The following SLC25A26 variants were observed in gnomAD, a reference collection of about 807,000 sequenced individuals.
SLC25A26 encodes the protein mitochondrial S-adenosylmethionine carrier protein.
A neutral mutation model predicts 37.8 loss-of-function variants in SLC25A26; 36 were observed. The ratio of observed to expected loss-of-function variants is 0.95; its 90% CI spans 0.73 to 1.26. The LOEUF (loss-of-function observed/expected upper bound fraction) is 1.26, where lower values mean the gene tolerates loss of function less well. SLC25A26 is among the 50% of genes most tolerant of loss of function. The pLI, the probability that SLC25A26 is intolerant of heterozygous loss-of-function variation, is 0.00. For missense variants in SLC25A26, 390 were observed against 331.1 expected, an observed-to-expected ratio of 1.18 and a Z score of -1.38; for synonymous variants, 129 against 122.5, an observed-to-expected ratio of 1.05 and a Z score of -0.35.
At chr3:66,338,042 A>G (rs572511973) in intron 5 of SLC25A26, among the ~76,000 whole-genome samples, 2 of 151,988 alleles carry the variant, frequency 1.3e-5, no homozygotes, top group Non-Finnish European at 2.9e-5. Flanking sequence ...CTTCAGTCCC[A>G]TTCTGCCTGC....
At chr3:66,312,237 T>G (rs1338245927) in intron 5 of SLC25A26, among the ~76,000 whole-genome samples, 3 of 152,164 alleles carry the variant, frequency 2.0e-5, no homozygotes, top group Admixed American at 6.5e-5. Flanking sequence ...GGCTTTGCAG[T>G]GGGTTCTGCC....
At chr3:66,175,221 GTTTA>G (rs1256238352) in intron 1 of SLC25A26, among the ~76,000 whole-genome samples, 3 of 147,314 alleles carry the variant, frequency 2.0e-5, no homozygotes, top group Admixed American at 6.9e-5. Context: ...CTATATAAAG[GTTTA>G]TTTATTTATT....
intron 1 of SLC25A26, among the ~76,000 whole-genome samples, chr3:66,180,906 A>G (rs2070691457): frequency 6.6e-6 from 1 of 152,068 alleles, no homozygotes; most frequent in African/African-American, 2.4e-5. Context: ...AAGAGTGGGG[A>G]CCTAATCCAA....
intron 1 of SLC25A26, among the ~76,000 whole-genome samples, chr3:66,160,900 A>C (rs1576603682): frequency 6.6e-6 from 1 of 152,034 alleles, no homozygotes; most frequent in South Asian, 2.1e-4. Context: ...ATACCACTGC[A>C]CTCCAGCCTG....
intron 1 of SLC25A26, among the ~76,000 whole-genome samples, chr3:66,160,832 G>A (rs1260521746): frequency 1.3e-5 from 2 of 152,122 alleles, no homozygotes; most frequent in African/African-American, 2.4e-5. Flanking sequence ...CTACTCGAGA[G>A]GCTGAGGCAG....
At chr3:66,275,933 A>G (rs895908572) in intron 5 of SLC25A26, among the ~76,000 whole-genome samples, 6 of 152,128 alleles carry the variant, frequency 3.9e-5, no homozygotes, top group African/African-American at 1.2e-4. Flanking sequence ...TGTTCTCATT[A>G]CTGTATACTG....
At chr3:66,358,264 T>C (rs1219642890) in intron 6 of SLC25A26, among the ~76,000 whole-genome samples, 1 of 152,226 alleles carries the variant, frequency 6.6e-6, no homozygotes, top group Non-Finnish European at 1.5e-5. Context: ...TTTCTGATTA[T>C]TGTTGTTTTA....
At chr3:66,356,635 T>C (rs1471858843) in intron 6 of SLC25A26, among the ~76,000 whole-genome samples, 1 of 152,118 alleles carries the variant, frequency 6.6e-6, no homozygotes, top group Admixed American at 6.6e-5. Context: ...AACTTTATTA[T>C]TATTATTTTT....
Position 66,377,994 on chromosome 3 carries a change from G to A in SLC25A26, c.*187G>A. On this transcript the variant is annotated 3_prime_UTR_variant, in exon 10 of 10. Transcript: ENST00000354883. ...TATGAAGTCATTGGCCTGTATGCCAGAGAGCTAAGAGAAGAAAACGGGGTC... is the reference window on the plus strand; with the variant it reads ...TATGAAGTCATTGGCCTGTATGCCAAAGAGCTAAGAGAAGAAAACGGGGTC... The A allele has an allele frequency of 1.9e-6, 1 of 528,334 alleles. No homozygotes were observed. The highest frequency in any genetic ancestry group is 3.4e-6 in the Non-Finnish European group (1 of 296,240). The allele number at this position is 528,334 out of a possible 1,614,324, so 32.7% of individuals were successfully genotyped here.
At chr3:66,260,191 C>A (rs551799830) in intron 3 of SLC25A26, among the ~76,000 whole-genome samples, 2 of 152,166 alleles carry the variant, frequency 1.3e-5, no homozygotes, top group East Asian at 3.9e-4. Context: ...TTTGTCCATG[C>A]GCCCCACCCC....
intron 1 of SLC25A26, among the ~76,000 whole-genome samples, chr3:66,179,934 G>A (rs1287192797): frequency 1.3e-5 from 2 of 152,166 alleles, no homozygotes; most frequent in Admixed American, 6.5e-5. Context: ...GCAATGCCAT[G>A]AACATATGAC....
chr3:66,249,328 A>C (rs1051244949), intron 3 of SLC25A26, among the ~76,000 whole-genome samples: 1 of 152,228 alleles, frequency 6.6e-6, no homozygotes, highest in Non-Finnish European at 1.5e-5. Flanking sequence ...TTTGTACCAC[A>C]GTCCATTCCA....
In SLC25A26 at chr3:66,377,849, C is replaced by T. The variant is rs1255425328; in HGVS notation, c.*42C>T. 3 of 1,453,312 alleles carry T rather than the reference C, an allele frequency of 2.1e-6. No individual in the cohort carries two copies. Among genetic ancestry groups the T allele is most frequent in the Non-Finnish European group, 2.9e-6 (3 of 1,033,596 alleles). 90.0% of individuals were successfully genotyped at this position (1,453,312 alleles called of 1,614,324 possible). A position where few individuals can be genotyped will look rare whatever the true frequency, so the allele number is the denominator to read the frequency against. ...ACCTCCACTTCTGTCAAGAGAGGGG[C>T]CTGCAGTGCAAACCCTCTTCCGCTG... On this transcript the variant is annotated 3_prime_UTR_variant, in exon 10 of 10. Transcript: ENST00000354883.
chr3:66,156,433 A>G (rs1206365680), intron 1 of SLC25A26, among the ~76,000 whole-genome samples: 2 of 148,480 alleles, frequency 1.3e-5, no homozygotes, highest in Non-Finnish European at 3.0e-5. Flanking sequence ...AGAAATTAGC[A>G]ACATGATATA....
chr3:66,288,591 C>A (rs182519965), intron 5 of SLC25A26, among the ~76,000 whole-genome samples: 2 of 152,244 alleles, frequency 1.3e-5, no homozygotes, highest in Admixed American at 1.3e-4. Context: ...GTTTTCTGTT[C>A]CTGTGTTACT....
At chr3:66,241,898 TAG>T (rs2072603144) in intron 2 of SLC25A26, among the ~76,000 whole-genome samples, 2 of 150,594 alleles carry the variant, frequency 1.3e-5, no homozygotes, top group African/African-American at 4.9e-5. Flanking sequence ...GAAGGGAATG[TAG>T]AGAAAGCATA....
At chr3:66,271,827 T>A (rs1257122991) in intron 5 of SLC25A26, among the ~76,000 whole-genome samples, 1 of 147,418 alleles carries the variant, frequency 6.8e-6, no homozygotes. Context: ...TGTACCACTA[T>A]TTTTTTTTTT....
At chr3:66,265,156 C>G (rs185710726) in intron 5 of SLC25A26, among the ~76,000 whole-genome samples, 11 of 151,766 alleles carry the variant, frequency 7.2e-5, no homozygotes, top group Admixed American at 3.3e-4. Context: ...CTATAACATA[C>G]GAAAACTAGC....
At chr3:66,165,607 A>G (rs925332345) in intron 1 of SLC25A26, among the ~76,000 whole-genome samples, 1 of 152,124 alleles carries the variant, frequency 6.6e-6, no homozygotes. Flanking sequence ...AACGTGAAAC[A>G]AACTAACTCA....
Sources: gnomAD v4.1 joint callset for allele counts (sites outside exome capture counted in the v4.1 genomes callset) on GRCh38, gnomAD v4.1.1 for gene constraint, MANE v1.5 for transcripts, NCBI Gene and HGNC (gene_info 2026-07-23, HGNC 2026-07-21) for gene names.